Variants in CDH18 observed in about 807,000 individuals in gnomAD.
The protein encoded by CDH18 is cadherin 18.
CDH18 carries 31 observed loss-of-function variants against 67.9 expected under a neutral mutation model. The observed-to-expected ratio is 0.46, with a 90% CI of 0.34 to 0.62. The LOEUF (loss-of-function observed/expected upper bound fraction) is 0.62. Ranked by LOEUF, CDH18 falls within the 20% of genes least tolerant of loss-of-function variation. CDH18 has a pLI of 0.01. For missense variants in CDH18, 890 were observed against 975.5 expected, an observed-to-expected ratio of 0.91 and a Z score of 1.17; for synonymous variants, 362 against 347.2, an observed-to-expected ratio of 1.04 and a Z score of -0.48.
At chr5:20,566,515 A>G (rs1342236531) in intron 1 of CDH18, among the ~76,000 whole-genome samples, 2 of 142,006 alleles carry the variant, frequency 1.4e-5, no homozygotes, top group Non-Finnish European at 3.0e-5. Context: ...TCGCGCCACC[A>G]TGCCCAGCTA....
rs182051672 is a variant in CDH18, at chr5:19,861,368, C to G, written c.-256-22126G>C. 1.9e-3 allele frequency among the ~76,000 whole-genome samples: 293 copies of G among 152,004 alleles called. 2 individuals carry two copies. The highest frequency in any genetic ancestry group is 6.6e-3 in the African/African-American group (273 of 41,458). On this transcript the variant is annotated intron_variant, in intron 2 of 12. Transcript: ENST00000382275. Reference sequence around the variant, plus strand: ...AAGCCCCAAGTGGTGTACCCAGGAGCCGGGAGGAGGCTAGGCTGGGTATAC... The same window carrying G: ...AAGCCCCAAGTGGTGTACCCAGGAGGCGGGAGGAGGCTAGGCTGGGTATAC...
At chr5:19,645,748 C>T (rs899273047) in intron 5 of CDH18, among the ~76,000 whole-genome samples, 4 of 152,168 alleles carry the variant, frequency 2.6e-5, no homozygotes, top group Middle Eastern at 3.4e-3. Context: ...GTGACTCATG[C>T]GACTGCCATT....
At chr5:19,688,655 C>T (rs1442071831) in intron 5 of CDH18, among the ~76,000 whole-genome samples, 2 of 151,974 alleles carry the variant, frequency 1.3e-5, no homozygotes, top group East Asian at 3.9e-4. Context: ...ATGTTTCATC[C>T]AAAGGATCCC....
At chr5:20,511,206 A>T (rs1755012007) in intron 1 of CDH18, among the ~76,000 whole-genome samples, 1 of 152,178 alleles carries the variant, frequency 6.6e-6, no homozygotes, top group Admixed American at 6.5e-5. Context: ...ACACCAGAAG[A>T]AAAAGCTTTT....
At chr5:20,397,832 CTG>C (rs1285278228) in intron 1 of CDH18, among the ~76,000 whole-genome samples, 2 of 152,094 alleles carry the variant, frequency 1.3e-5, no homozygotes, top group African/African-American at 2.4e-5. Flanking sequence ...TCTTAAAAAT[CTG>C]TGCACATTTT....
chr5:19,676,695 G>A (rs1759532935), intron 5 of CDH18, among the ~76,000 whole-genome samples: 1 of 151,906 alleles, frequency 6.6e-6, no homozygotes, highest in Non-Finnish European at 1.5e-5. Flanking sequence ...GGAAAGTGAG[G>A]AGTATCTCAG....
intron 1 of CDH18, among the ~76,000 whole-genome samples, chr5:20,453,950 T>C (rs1225482942): frequency 6.6e-6 from 1 of 152,130 alleles, no homozygotes; most frequent in African/African-American, 2.4e-5. Context: ...TAAAAATTAA[T>C]ACTTTTTATG....
At chr5:20,088,924 T>G (rs1745197621) in intron 2 of CDH18, among the ~76,000 whole-genome samples, 2 of 152,144 alleles carry the variant, frequency 1.3e-5, no homozygotes, top group Admixed American at 6.6e-5. Context: ...AAGGGAGTCT[T>G]TAATTCAACA....
chr5:19,959,755 A>G (rs1391293189), intron 2 of CDH18, among the ~76,000 whole-genome samples: 3 of 152,092 alleles, frequency 2.0e-5, no homozygotes, highest in African/African-American at 7.2e-5. Flanking sequence ...TACACCCTTC[A>G]ATGATTTCAT....
intron 7 of CDH18, among the ~76,000 whole-genome samples, chr5:19,584,643 C>A: frequency 6.6e-6 from 1 of 151,476 alleles, no homozygotes. Flanking sequence ...ATCTAGACTA[C>A]ATTAAAAAAT....
At chr5:20,282,809 G>T (rs542539924) in intron 1 of CDH18, among the ~76,000 whole-genome samples, 5 of 151,952 alleles carry the variant, frequency 3.3e-5, no homozygotes, top group Non-Finnish European at 7.4e-5. Context: ...AAACACAAAA[G>T]ACCAAAATAG....
chr5:19,909,284 A>G (rs1281811548), intron 2 of CDH18, among the ~76,000 whole-genome samples: 7 of 148,104 alleles, frequency 4.7e-5, no homozygotes, highest in African/African-American at 1.8e-4. Flanking sequence ...GAACGCAAGT[A>G]AAGTGGTTTC....
intron 1 of CDH18, among the ~76,000 whole-genome samples, chr5:20,569,254 C>T (rs12518937): frequency 0.096 from 14,611 of 152,202 alleles, 989 homozygotes; most frequent in Non-Finnish European, 0.14. Context: ...AAAAGAAAGT[C>T]AGAGACATTA....
chr5:19,746,454 A>G (rs1336128381), intron 4 of CDH18, among the ~76,000 whole-genome samples: 1 of 152,228 alleles, frequency 6.6e-6, no homozygotes, highest in African/African-American at 2.4e-5. Flanking sequence ...ATGCTTAGGA[A>G]TATCTGAAAA....
At chr5:19,898,064 T>C (rs1789543379) in intron 2 of CDH18, among the ~76,000 whole-genome samples, 1 of 152,118 alleles carries the variant, frequency 6.6e-6, no homozygotes, top group Non-Finnish European at 1.5e-5. Context: ...TCTGTACCTA[T>C]TCTGAATGTT....
intron 1 of CDH18, among the ~76,000 whole-genome samples, chr5:20,542,863 G>T (rs1369730695): frequency 1.3e-5 from 2 of 151,792 alleles, no homozygotes; most frequent in African/African-American, 4.8e-5. Flanking sequence ...TAAACTTGTA[G>T]TGTATTTTAA....
At chr5:20,107,903 T>C (rs1027307137) in intron 2 of CDH18, among the ~76,000 whole-genome samples, 6 of 148,422 alleles carry the variant, frequency 4.0e-5, no homozygotes, top group Non-Finnish European at 8.9e-5. Context: ...CCCCTAATGC[T>C]ATCCCTCCCC....
chr5:19,483,642 A>G (rs1739875371), intron 11 of CDH18, 90 bp from the exon 12 acceptor site: 5 of 1,335,292 alleles, frequency 3.7e-6, no homozygotes, highest in Non-Finnish European at 5.1e-6. Flanking sequence ...GGGGATGTGT[A>G]TCTTTCTTGT....
intron 2 of CDH18, among the ~76,000 whole-genome samples, chr5:20,133,836 T>C (rs1749472799): frequency 6.6e-6 from 1 of 152,194 alleles, no homozygotes; most frequent in African/African-American, 2.4e-5. Context: ...TATCAATGAC[T>C]TGGTGTCTGC....
Sources: allele counts gnomAD v4.1 joint callset (sites outside exome capture counted in the v4.1 genomes callset), GRCh38; gene constraint gnomAD v4.1.1; transcripts MANE v1.5; gene names NCBI Gene and HGNC (gene_info 2026-07-23, HGNC 2026-07-21).